Variants in CNTN6 observed in about 807,000 individuals in gnomAD.
The protein encoded by CNTN6 is contactin-6.
CNTN6 carries 137 observed loss-of-function variants against 122.8 expected under a neutral mutation model. The ratio of observed to expected loss-of-function variants is 1.12; its 90% CI spans 0.97 to 1.29. The LOEUF is 1.29. Among genes scored for constraint, CNTN6 ranks in the 50% most tolerant of loss-of-function variants. CNTN6 has a pLI of 0.00. For missense variants in CNTN6, 1,634 were observed against 1,223.4 expected, an observed-to-expected ratio of 1.34 and a Z score of -5.01; for synonymous variants, 570 against 426.0, an observed-to-expected ratio of 1.34 and a Z score of -4.16.
At chr3:1,235,665 A>G (rs948482438) in intron 4 of CNTN6, among the ~76,000 whole-genome samples, 7 of 152,280 alleles carry the variant, frequency 4.6e-5, no homozygotes, top group Non-Finnish European at 8.8e-5. Context: ...ACTTTGCCCC[A>G]GAAACTACCC....
chr3:1,188,679 G>A (rs2093661004), intron 2 of CNTN6, among the ~76,000 whole-genome samples: 1 of 152,036 alleles, frequency 6.6e-6, no homozygotes, highest in Non-Finnish European at 1.5e-5. Flanking sequence ...ATATTGCCAA[G>A]GACAAAGATA....
At position 1,329,910 on chromosome 3, in the gene CNTN6, A is replaced by G. The variant is rs1185789107; in HGVS notation, c.1339A>G (p.Thr447Ala). 1.9e-6 allele frequency: 3 copies of G among 1,609,822 alleles called. No individual in the cohort carries two copies. The South Asian group carries it at 3.3e-5, about 18-fold the overall frequency. The change falls in exon 11 of 23, where the codon ACG (threonine) becomes GCG (alanine). Residue 447 changes from threonine (T) to alanine (A), a missense_variant. Physicochemically the swap from Thr to Ala is moderately conservative, Grantham distance 58. Coordinates refer to ENST00000446702, the MANE Select transcript of CNTN6 (RefSeq NM_001289080.2). ...GGCAGCTATCTCTTGGAAAAGAGGAACGGAGACCCTTAGACAAAGCAAAAG... is the reference window on the plus strand; with the variant it reads ...GGCAGCTATCTCTTGGAAAAGAGGAGCGGAGACCCTTAGACAAAGCAAAAG... ...PRAAISWKRG[T>A]ETLRQSKRIF...
At chr3:1,137,576 A>G (rs923037761) in intron 1 of CNTN6, among the ~76,000 whole-genome samples, 2 of 152,162 alleles carry the variant, frequency 1.3e-5, no homozygotes, top group East Asian at 3.9e-4. Flanking sequence ...ATAATATACT[A>G]GAAAAGGTGT....
Position 1,245,302 on chromosome 3 carries a change from A to AT in CNTN6, c.358+17310dup, listed in dbSNP as rs2094562312. On this transcript the variant is annotated intron_variant, in intron 4 of 22. Coordinates refer to ENST00000446702, the MANE Select transcript of CNTN6 (RefSeq NM_001289080.2). The stretch of plus-strand genomic sequence containing the variant: ...ACACACATATATATATAACATATAT[A>AT]TATATATATATATATATATATATAT... Among the ~76,000 whole-genome samples the AT allele has an allele frequency of 5.8e-3, 36 of 6,194 alleles. 11 individuals carry two copies. Among genetic ancestry groups the AT allele is most frequent in the Non-Finnish European group, 0.01 (30 of 2,942 alleles). The allele number at this position is 6,194 out of a possible 152,430, so 4.1% of individuals were successfully genotyped here. A position where few individuals can be genotyped will look rare whatever the true frequency, so the allele number is the denominator to read the frequency against.
intron 1 of CNTN6, among the ~76,000 whole-genome samples, chr3:1,130,804 GTC>G (rs935799427): frequency 2.6e-5 from 4 of 152,102 alleles, no homozygotes; most frequent in Non-Finnish European, 5.9e-5. Flanking sequence ...GCTTCTGCCT[GTC>G]TGTGTCAAAA....
At chr3:1,393,555 TAAAAA>T (rs572632140) in intron 20 of CNTN6, among the ~76,000 whole-genome samples, 8 of 107,912 alleles carry the variant, frequency 7.4e-5, no homozygotes, top group African/African-American at 9.9e-5. Context: ...CTTAAAGAAG[TAAAAA>T]AAAAAAAAAA....
rs61606722 is a variant in CNTN6, at chr3:1,175,222, C to CAAA, written c.55+27179_55+27181dup. Among the ~76,000 whole-genome samples, 158 of 76,204 alleles carry CAAA rather than the reference C, an allele frequency of 2.1e-3. 1 individual carries two copies. Among genetic ancestry groups the CAAA allele is most frequent in the South Asian group, 3.9e-3 (7 of 1,784 alleles). The allele number at this position is 76,204 out of a possible 152,430, so 50.0% of individuals were successfully genotyped here. On this transcript the variant is annotated intron_variant, in intron 2 of 22. Coordinates refer to ENST00000446702, the MANE Select transcript of CNTN6 (RefSeq NM_001289080.2). Reference sequence around the variant, plus strand: ...TGGGCAAGAGAGTGAGACTTTGTCTCAAAAAAAAAAAAAAAAAAAAAAGAC... The same window carrying CAAA: ...TGGGCAAGAGAGTGAGACTTTGTCTCAAAAAAAAAAAAAAAAAAAAAAAAAGAC...
intron 17 of CNTN6, among the ~76,000 whole-genome samples, chr3:1,379,464 G>A (rs1030563478): frequency 6.6e-5 from 10 of 152,060 alleles, no homozygotes; most frequent in Non-Finnish European, 1.3e-4. Flanking sequence ...CTATATTAAT[G>A]GGTACTGTGC....
chr3:1,093,666 C>T (rs2090361803), intron 1 of CNTN6, among the ~76,000 whole-genome samples: 1 of 152,036 alleles, frequency 6.6e-6, no homozygotes, highest in Non-Finnish European at 1.5e-5. Flanking sequence ...TATGGGCTCA[C>T]CAAATTTTGT....
chr3:1,375,963 T>A (rs1021430116), intron 16 of CNTN6, among the ~76,000 whole-genome samples: 7 of 152,010 alleles, frequency 4.6e-5, no homozygotes, highest in African/African-American at 1.7e-4. Context: ...AAATTTGAAA[T>A]GAGGAATTAA....
At chr3:1,199,065 C>T (rs988470747) in intron 2 of CNTN6, among the ~76,000 whole-genome samples, 1 of 152,062 alleles carries the variant, frequency 6.6e-6, no homozygotes, top group Non-Finnish European at 1.5e-5. Context: ...GAAACCAGAA[C>T]GTCATGGGAT....
At chr3:1,390,808 G>A (rs1030265718) in intron 20 of CNTN6, among the ~76,000 whole-genome samples, 7 of 151,316 alleles carry the variant, frequency 4.6e-5, no homozygotes, top group African/African-American at 1.7e-4. Flanking sequence ...AAATCTAGAA[G>A]AAATGGATAA....
chr3:1,397,998 T>C (rs191983949), intron 20 of CNTN6, among the ~76,000 whole-genome samples: 2 of 152,194 alleles, frequency 1.3e-5, no homozygotes, highest in Admixed American at 6.5e-5. Flanking sequence ...GAGGGGCTAG[T>C]TTAATGTTGC....
Position 1,336,264 on chromosome 3 carries a change from G to A in CNTN6, c.1364+6329G>A, listed in dbSNP as rs549790193. 3.3e-5 allele frequency among the ~76,000 whole-genome samples: 5 copies of A among 151,798 alleles called. No individual in the cohort carries two copies. In the East Asian group the frequency reaches 9.7e-4, roughly 30 times the overall value. ...TTAAGCACCTTCTACATGCTAGATG[G>A]TGTACCAGGCACTTTACATATCTCA... On this transcript the variant is annotated intron_variant, in intron 11 of 22. Transcript: ENST00000446702.
In CNTN6 at chr3:1,373,846, AATAATTAT is replaced by A. The variant is rs1709468654; in HGVS notation, c.1946-71_1946-64del. 3.2e-5 allele frequency: 46 copies of A among 1,456,770 alleles called. No homozygotes were observed. In the South Asian group the frequency reaches 6.7e-4, roughly 21 times the overall value. 90.2% of individuals were successfully genotyped at this position (1,456,770 alleles called of 1,614,324 possible). A position where few individuals can be genotyped will look rare whatever the true frequency, so the allele number is the denominator to read the frequency against. The stretch of plus-strand genomic sequence containing the variant: ...AATAAATGCAATTACATTTTAAATT[AATAATTAT>A]ATAATTTTGTACAATTATTTGTTTT... On this transcript the variant is annotated intron_variant, in intron 15 of 22. Coordinates refer to ENST00000446702, the MANE Select transcript of CNTN6 (RefSeq NM_001289080.2).
chr3:1,346,431 AGAATAGATTTGTTCCTGCTCTCTTGG>A (rs1304217930), intron 11 of CNTN6, among the ~76,000 whole-genome samples: 7 of 151,992 alleles, frequency 4.6e-5, no homozygotes, highest in Non-Finnish European at 1.0e-4. Context: ...TGCTCTCTTG[AGAATAGATTTGTTCCTGCTCTCTTGG>A]GAATAGATTT....
chr3:1,373,960 C>A lies in CNTN6; in HGVS notation c.1982C>A (p.Thr661Lys). ...CTCAATGGTAAGACATACAATGCAA[C>A]AGTGGTTGGTTTGAGTCCTTGGGTG... Reference protein sequence around the residue: ...EILNGKTYNATVVGLSPWVEY... With the variant: ...EILNGKTYNAKVVGLSPWVEY... Residue 661 changes from threonine to lysine, a missense_variant, in exon 16 of 23, where the codon ACA (threonine) becomes AAA (lysine). Physicochemically the swap from Thr to Lys is moderately conservative, Grantham distance 78 (BLOSUM62 -1). Coordinates refer to ENST00000446702, the MANE Select transcript of CNTN6 (RefSeq NM_001289080.2). 6.2e-7 allele frequency: 1 copy of A among 1,613,018 alleles called. No homozygotes were observed. The highest frequency in any genetic ancestry group is 8.5e-7 in the Non-Finnish European group (1 of 1,179,314).
In CNTN6 at chr3:1,261,602, G is replaced by C. The variant is rs572546518; in HGVS notation, c.359-16811G>C. On this transcript the variant is annotated intron_variant, in intron 4 of 22. Coordinates refer to ENST00000446702, the MANE Select transcript of CNTN6 (RefSeq NM_001289080.2). ...TAATTTCTCAGAGCATTCTCAGGCA[G>C]AGCAACCCAAATGGAGGCAGCAAAC... 2.6e-5 allele frequency among the ~76,000 whole-genome samples: 4 copies of C among 152,216 alleles called. No homozygotes were observed. The South Asian group carries it at 8.3e-4, about 32-fold the overall frequency.
rs1559596262 is a variant in CNTN6 at position 1,245,245 on chromosome 3, CATATATATATAACATATATATATATATAT to C, written c.358+17254_358+17282del. 2.8e-4 allele frequency among the ~76,000 whole-genome samples: 4 copies of C among 14,130 alleles called. 1 individual carries two copies. Among genetic ancestry groups the C allele is most frequent in the African/African-American group, 1.1e-3 (4 of 3,784 alleles). The allele number at this position is 14,130 out of a possible 152,430, so 9.3% of individuals were successfully genotyped here. On this transcript the variant is annotated intron_variant, in intron 4 of 22. Coordinates refer to ENST00000446702, the MANE Select transcript of CNTN6 (RefSeq NM_001289080.2). ...ATATATATATATATATACACACACA[CATATATATATAACATATATATATATATAT>C]ACACACACATATATATATAACATAT...
Sources: allele counts gnomAD v4.1 joint callset (sites outside exome capture counted in the v4.1 genomes callset), GRCh38; gene constraint gnomAD v4.1.1; transcripts MANE v1.5; gene names NCBI Gene and HGNC (gene_info 2026-07-23, HGNC 2026-07-21).